Variants in MLIP observed in about 807,000 individuals in gnomAD.
The protein encoded by MLIP is muscular LMNA-interacting protein.
MLIP carries 79 observed loss-of-function variants against 84.8 expected under a neutral mutation model. The observed-to-expected ratio is 0.93, with a 90% confidence interval of 0.78 to 1.12. MLIP has a LOEUF of 1.12. Ranked by LOEUF, MLIP falls within the 50% of genes most tolerant of loss-of-function variation. MLIP has a pLI of 0.00. For synonymous variants in MLIP, 504 were observed against 463.0 expected, an observed-to-expected ratio of 1.09 and a Z score of -1.14; for missense variants, 1,257 against 1,160.6, an observed-to-expected ratio of 1.08 and a Z score of -1.21.
intron 11 of MLIP, among the ~76,000 whole-genome samples, chr6:54,224,022 AAAAT>A (rs1172544312): frequency 6.6e-6 from 1 of 152,066 alleles, no homozygotes; most frequent in African/African-American, 2.4e-5. Context: ...TTTAAAAACA[AAAAT>A]AAAACAAATA....
chr6:54,027,879 GAGAT>G (rs1287599731), intron 1 of MLIP, among the ~76,000 whole-genome samples: 3 of 152,192 alleles, frequency 2.0e-5, no homozygotes, highest in African/African-American at 7.2e-5. Context: ...TAACAGAAAG[GAGAT>G]AGATGGATTG....
intron 10 of MLIP, among the ~76,000 whole-genome samples, chr6:54,191,108 A>G (rs1053933807): frequency 6.6e-6 from 1 of 152,034 alleles, no homozygotes; most frequent in African/African-American, 2.4e-5. Context: ...GATTTTCTTA[A>G]TATCTTTGGC....
intron 1 of MLIP, among the ~76,000 whole-genome samples, chr6:54,079,059 A>G (rs1268221105): frequency 6.6e-6 from 1 of 152,216 alleles, no homozygotes; most frequent in Non-Finnish European, 1.5e-5. Context: ...CTAAATAAAT[A>G]TCCTAAATAT....
intron 12 of MLIP, among the ~76,000 whole-genome samples, chr6:54,248,922 T>A (rs1329965160): frequency 1.3e-5 from 2 of 152,068 alleles, no homozygotes; most frequent in African/African-American, 2.4e-5. Flanking sequence ...CAAGTGAATA[T>A]ATAATAACCA....
chr6:54,051,328 T>C (rs1184546268), intron 1 of MLIP, among the ~76,000 whole-genome samples: 1 of 144,566 alleles, frequency 6.9e-6, no homozygotes, highest in African/African-American at 2.9e-5. Flanking sequence ...TTAAATTGTT[T>C]AATTTAATTT....
Position 54,249,804 on chromosome 6 carries a change from C to A in MLIP, c.2923-7504C>A, listed in dbSNP as rs1782343291. Among the ~76,000 whole-genome samples the A allele has an allele frequency of 2.0e-5, 3 of 151,010 alleles. 1 individual carries two copies. The highest frequency in any genetic ancestry group is 4.9e-5 in the African/African-American group (2 of 40,938). On this transcript the variant is annotated intron_variant, in intron 12 of 13. Coordinates refer to ENST00000502396, the MANE Select transcript of MLIP (RefSeq NM_001281747.2). ...GTGTGTGTATATATATGTTTATTTA[C>A]TTTTATTTTAAGTTTGGGGGTCCAT...
intron 1 of MLIP, among the ~76,000 whole-genome samples, chr6:54,038,830 T>C (rs1228338243): frequency 3.3e-5 from 5 of 151,950 alleles, no homozygotes. Flanking sequence ...AAATCAGTTT[T>C]TATTACATAA....
intron 1 of MLIP, among the ~76,000 whole-genome samples, chr6:54,099,373 CAA>C (rs1347000747): frequency 6.6e-6 from 1 of 151,826 alleles, no homozygotes; most frequent in African/African-American, 2.4e-5. Flanking sequence ...TGCACTGAAA[CAA>C]TGATTTTTTT....
At chr6:54,132,009 T>C (rs937362008) in intron 3 of MLIP, among the ~76,000 whole-genome samples, 6 of 152,146 alleles carry the variant, frequency 3.9e-5, no homozygotes, top group Non-Finnish European at 7.4e-5. Context: ...TCCAGTAAAC[T>C]AGCCTGAGCT....
chr6:54,150,498 T>A (rs1055890422), intron 5 of MLIP, among the ~76,000 whole-genome samples: 2 of 152,188 alleles, frequency 1.3e-5, no homozygotes, highest in Admixed American at 1.3e-4. Flanking sequence ...GGATGGCGAT[T>A]TCTGGAACCT....
intron 1 of MLIP, among the ~76,000 whole-genome samples, chr6:54,031,880 G>C (rs1177359861): frequency 1.3e-5 from 2 of 152,172 alleles, no homozygotes; most frequent in Non-Finnish European, 2.9e-5. Flanking sequence ...TGGCATGCTT[G>C]TTGCTGGCAG....
chr6:54,217,980 C>A, intron 11 of MLIP: 2 of 985,372 alleles, frequency 2.0e-6, no homozygotes, highest in Non-Finnish European at 2.4e-6. Context: ...GATAGAGATG[C>A]CATTAGTGTG....
chr6:54,260,559 A>C (rs1424076967), intron 13 of MLIP, among the ~76,000 whole-genome samples: 1 of 152,022 alleles, frequency 6.6e-6, no homozygotes, highest in Admixed American at 6.6e-5. Flanking sequence ...CCAATCAAAT[A>C]AATCCATCAT....
chr6:54,066,257 A>C (rs568347620), intron 1 of MLIP, among the ~76,000 whole-genome samples: 1 of 100,142 alleles, frequency 1.0e-5, no homozygotes, highest in East Asian at 2.7e-4. Flanking sequence ...ATGAGCCTGC[A>C]TGTGCACACA....
intron 8 of MLIP, 85 bp from the exon 9 acceptor site, chr6:54,169,442 GA>G: frequency 1.3e-6 from 1 of 792,434 alleles, no homozygotes. Flanking sequence ...TCTCAATTGA[GA>G]AGAAGGTGAA....
chr6:54,249,777 A>T (rs1163598614), intron 12 of MLIP, among the ~76,000 whole-genome samples: 3 of 151,746 alleles, frequency 2.0e-5, no homozygotes, highest in Non-Finnish European at 4.4e-5. Flanking sequence ...ACATGTATAC[A>T]CGTGTGTGTA....
rs1767294640 is a variant in MLIP at position 54,083,501 on chromosome 6, A to AG, written c.64-37945dup. 3.9e-6 allele frequency: 6 copies of AG among 1,534,978 alleles called. No individual in the cohort carries two copies. The Admixed American group carries it at 5.9e-5, about 15-fold the overall frequency. On this transcript the variant is annotated intron_variant, in intron 1 of 12. Transcript: ENST00000274897. ...TGACACAGGCAAGTGTTTGTCAATG[A>AG]GTTCTATTGGCTGACACTGACCTTG...
intron 11 of MLIP, among the ~76,000 whole-genome samples, chr6:54,211,106 G>C (rs1449719918): frequency 2.0e-5 from 3 of 152,130 alleles, no homozygotes; most frequent in Admixed American, 2.0e-4. Context: ...TGGGCGTGGT[G>C]GCGGGTGCCT....
intron 9 of MLIP, among the ~76,000 whole-genome samples, chr6:54,180,387 T>C (rs1173975942): frequency 2.6e-5 from 4 of 152,164 alleles, no homozygotes; most frequent in Admixed American, 1.3e-4. Context: ...ATTTCTGTTA[T>C]TGTACCTTTG....
Sources: gnomAD v4.1 joint callset for allele counts (sites outside exome capture counted in the v4.1 genomes callset) on GRCh38, gnomAD v4.1.1 for gene constraint, MANE v1.5 for transcripts, NCBI Gene and HGNC (gene_info 2026-07-23, HGNC 2026-07-21) for gene names.